Variants in XYLT1 observed in about 807,000 individuals in gnomAD.
XYLT1 encodes xylosyltransferase 1.
Under a neutral mutation model 91.3 loss-of-function variants are expected in XYLT1, and 36 were observed. The observed-to-expected ratio is 0.39, with a 90% confidence interval of 0.30 to 0.52. XYLT1 has a LOEUF of 0.52. Among genes scored for constraint, XYLT1 ranks in the 20% least tolerant of loss-of-function variants. XYLT1 has a pLI of 0.68. For synonymous variants in XYLT1, 588 were observed against 532.0 expected (o/e 1.11, Z -1.45); for missense variants, 1,242 against 1,284.5 (o/e 0.97, Z 0.51).
chr16:17,401,011 CACA>C (rs2035961688), intron 1 of XYLT1, among the ~76,000 whole-genome samples: 1 of 152,022 alleles, frequency 6.6e-6, no homozygotes, highest in Admixed American at 6.6e-5. Context: ...CACACACACA[CACA>C]CCTGTCTACA....
chr16:17,383,580 G>T (rs2035708697), intron 1 of XYLT1, among the ~76,000 whole-genome samples: 1 of 151,816 alleles, frequency 6.6e-6, no homozygotes, highest in Non-Finnish European at 1.5e-5. Context: ...TAAGATGAAT[G>T]ATTTCAACAA....
chr16:17,151,174 C>A (rs988769089), intron 6 of XYLT1, among the ~76,000 whole-genome samples: 3 of 152,144 alleles, frequency 2.0e-5, no homozygotes, highest in Non-Finnish European at 4.4e-5. Flanking sequence ...GCCTGTAATC[C>A]CAGCACTTTG....
At chr16:17,455,049 T>C (rs75542838) in intron 1 of XYLT1, among the ~76,000 whole-genome samples, 3,682 of 151,780 alleles carry the variant, frequency 0.024, 63 homozygotes, top group African/African-American at 0.05. Flanking sequence ...CCAGACGCAA[T>C]GTTAACCAAA....
chr16:17,285,970 GAGAC>G (rs1312300888), intron 2 of XYLT1, among the ~76,000 whole-genome samples: 1 of 151,942 alleles, frequency 6.6e-6, no homozygotes, highest in African/African-American at 2.4e-5. Flanking sequence ...GAGAGACAGA[GAGAC>G]AGAGAGAGAC....
At chr16:17,358,095 T>G in intron 1 of XYLT1, 45 bp from the exon 2 acceptor site, 1 of 1,579,866 alleles carries the variant, frequency 6.3e-7, no homozygotes, top group Non-Finnish European at 8.6e-7. Context: ...TGAAAAAAAG[T>G]TAACTTACTA....
chr16:17,346,044 C>A (rs1235755756), intron 2 of XYLT1, among the ~76,000 whole-genome samples: 4 of 152,194 alleles, frequency 2.6e-5, no homozygotes, highest in African/African-American at 9.7e-5. Flanking sequence ...CACCTGACCC[C>A]AGGTGATCCA....
At chr16:17,157,871 C>A (rs866703416) in intron 6 of XYLT1, among the ~76,000 whole-genome samples, 1 of 152,186 alleles carries the variant, frequency 6.6e-6, no homozygotes, top group African/African-American at 2.4e-5. Context: ...GTCTCAGCCT[C>A]CTGAGTAGCT....
At chr16:17,254,516 T>C (rs2033597775) in intron 3 of XYLT1, among the ~76,000 whole-genome samples, 3 of 152,146 alleles carry the variant, frequency 2.0e-5, no homozygotes, top group African/African-American at 7.2e-5. Flanking sequence ...TGCCTCAGCC[T>C]CCCGAGTAGC....
intron 1 of XYLT1, among the ~76,000 whole-genome samples, chr16:17,448,685 T>G (rs1181090520): frequency 2.4e-4 from 15 of 62,338 alleles, no homozygotes; most frequent in Admixed American, 7.5e-4. Context: ...TGAGGGGAGG[T>G]GGAGGGGGGA....
At chr16:17,155,568 G>T (rs542390227) in intron 6 of XYLT1, among the ~76,000 whole-genome samples, 1 of 152,338 alleles carries the variant, frequency 6.6e-6, no homozygotes, top group East Asian at 1.9e-4. Flanking sequence ...GACCATGGAT[G>T]ATGGGCTATA....
intron 11 of XYLT1, 44 bp downstream of exon 11, chr16:17,117,602 C>T: frequency 6.4e-7 from 1 of 1,574,608 alleles, no homozygotes; most frequent in South Asian, 1.2e-5. Context: ...TCAAGGTCCC[C>T]AGGGAAGGAG....
chr16:17,159,001 C>T lies in XYLT1; in HGVS notation c.1290-92G>A, dbSNP rs16968522. 11,570 of 1,072,094 alleles carry T rather than the reference C, an allele frequency of 0.011. 832 individuals carry two copies. The African/African-American group carries it at 0.16, about 14-fold the overall frequency. 66.4% of individuals were successfully genotyped at this position (1,072,094 alleles called of 1,614,324 possible). A position where few individuals can be genotyped will look rare whatever the true frequency, so the allele number is the denominator to read the frequency against. On this transcript the variant is annotated intron_variant, in intron 5 of 11. Coordinates refer to ENST00000261381, the MANE Select transcript of XYLT1 (RefSeq NM_022166.4). ...AAGTTTCACCAATTATGTCAGTCTG[C>T]TTGAAGCACCTTCTCTGATCATTTG...
intron 8 of XYLT1, among the ~76,000 whole-genome samples, chr16:17,136,832 C>A (rs2030742304): frequency 6.6e-6 from 1 of 152,068 alleles, no homozygotes; most frequent in Non-Finnish European, 1.5e-5. Flanking sequence ...TTGTCAGAGG[C>A]TACAATGTCC....
At chr16:17,198,483 C>G (rs2032475440) in intron 4 of XYLT1, 69 bp from the exon 5 acceptor site, 1 of 1,482,486 alleles carries the variant, frequency 6.7e-7, no homozygotes. Flanking sequence ...CCCCTCACCC[C>G]TGTCCCCTCT....
chr16:17,178,844 C>A (rs1472151539), intron 5 of XYLT1, among the ~76,000 whole-genome samples: 1 of 152,122 alleles, frequency 6.6e-6, no homozygotes, highest in Admixed American at 6.5e-5. Context: ...TCGAGGCAGG[C>A]AGATGGCTTG....
rs114066083 is a variant in XYLT1, at chr16:17,142,772, G to A, written c.1371-1403C>T. ...TCCTGAAATTTTGAAGTAGTGGTGA[G>A]CATAAATGATATTTAGAGGTATCTG... On this transcript the variant is annotated intron_variant, in intron 6 of 11. Coordinates refer to ENST00000261381, the MANE Select transcript of XYLT1 (RefSeq NM_022166.4). Among the ~76,000 whole-genome samples, 314 of 152,156 alleles carry A rather than the reference G, an allele frequency of 2.1e-3. 4 individuals are homozygous for A. Among genetic ancestry groups the A allele is most frequent in the African/African-American group, 7.3e-3 (304 of 41,528 alleles).
intron 5 of XYLT1, among the ~76,000 whole-genome samples, chr16:17,159,305 G>A (rs1441166023): frequency 6.6e-6 from 1 of 152,102 alleles, no homozygotes. Context: ...AGTATTGCTG[G>A]CTTGGCTTTG....
intron 1 of XYLT1, among the ~76,000 whole-genome samples, chr16:17,370,399 CA>C (rs1439836831): frequency 6.6e-6 from 1 of 152,218 alleles, no homozygotes; most frequent in African/African-American, 2.4e-5. Flanking sequence ...ACATGCATGC[CA>C]CGCTTGGTGG....
At chr16:17,240,063 A>G (rs186299897) in intron 3 of XYLT1, among the ~76,000 whole-genome samples, 3 of 152,358 alleles carry the variant, frequency 2.0e-5, no homozygotes, top group South Asian at 4.1e-4. Context: ...CTACACAAAT[A>G]CATGCATATT....
Sources: allele counts gnomAD v4.1 joint callset (sites outside exome capture counted in the v4.1 genomes callset), GRCh38; gene constraint gnomAD v4.1.1; transcripts MANE v1.5; gene names NCBI Gene and HGNC (gene_info 2026-07-23, HGNC 2026-07-21).